The following OPN3 variants were observed in gnomAD, a reference collection of about 807,000 sequenced individuals.
OPN3 encodes opsin 3, also known as opsin-3.
OPN3 carries 29 observed loss-of-function variants against 33.8 expected under a neutral mutation model. The ratio of observed to expected loss-of-function variants is 0.86; its 90% CI spans 0.64 to 1.17. The LOEUF (loss-of-function observed/expected upper bound fraction) is 1.17. OPN3 is among the 50% of genes most tolerant of loss of function. OPN3 has a pLI of 0.00. For missense variants in OPN3, 437 were observed against 514.1 expected (o/e 0.85, Z 1.45); for synonymous variants, 216 against 216.1 (o/e 1.00, Z 0.00).
At chr1:241,618,836 C>CTT (rs33992613) in intron 1 of OPN3, among the ~76,000 whole-genome samples, 20 of 146,094 alleles carry the variant, frequency 1.4e-4, no homozygotes, top group Admixed American at 1.2e-3. Flanking sequence ...CTCATTGTAT[C>CTT]TTTTTTTTTT....
At chr1:241,613,597 T>C (rs962929966) in intron 1 of OPN3, among the ~76,000 whole-genome samples, 2 of 152,190 alleles carry the variant, frequency 1.3e-5, no homozygotes, top group African/African-American at 4.8e-5. Flanking sequence ...TATTCTTAAA[T>C]TGAAGAATTT....
intron 1 of OPN3, among the ~76,000 whole-genome samples, chr1:241,606,241 A>G (rs556336671): frequency 6.6e-6 from 1 of 152,284 alleles, no homozygotes; most frequent in African/African-American, 2.4e-5. Context: ...GAGAGGAGTT[A>G]AAAGTAACTT....
intron 1 of OPN3, chr1:241,631,137 T>A (rs1664618840): frequency 6.6e-6 from 1 of 152,114 alleles, no homozygotes; most frequent in South Asian, 2.1e-4. Flanking sequence ...TATACTGGGT[T>A]ACAATATCCC....
intron 1 of OPN3, among the ~76,000 whole-genome samples, chr1:241,624,220 C>T (rs924914062): frequency 8.2e-6 from 1 of 122,630 alleles, no homozygotes; most frequent in Non-Finnish European, 1.7e-5. Flanking sequence ...ACACTGTGGA[C>T]CCTCTTTCAC....
At chr1:241,628,933 A>G (rs1174075313) in intron 1 of OPN3, 1 of 152,586 alleles carries the variant, frequency 6.6e-6, no homozygotes, top group Non-Finnish European at 1.5e-5. Context: ...AAGAACCCCT[A>G]ATGTTAAACT....
At chr1:241,606,365 G>A (rs909034627) in intron 1 of OPN3, among the ~76,000 whole-genome samples, 9 of 152,014 alleles carry the variant, frequency 5.9e-5, no homozygotes, top group South Asian at 2.1e-4. Context: ...CCAACATGGC[G>A]AAACCCTGTC....
At chr1:241,626,177 G>T (rs1161841401) in intron 1 of OPN3, among the ~76,000 whole-genome samples, 1 of 152,194 alleles carries the variant, frequency 6.6e-6, no homozygotes, top group African/African-American at 2.4e-5. Context: ...TTTTACCAGA[G>T]ATGGGTCCTA....
intron 1 of OPN3, among the ~76,000 whole-genome samples, chr1:241,608,498 A>T (rs1471048746): frequency 6.6e-6 from 1 of 152,188 alleles, no homozygotes; most frequent in Non-Finnish European, 1.5e-5. Flanking sequence ...TGCTATGAAG[A>T]ATAGAGAGTG....
intron 1 of OPN3, chr1:241,630,951 G>C (rs1315662767): frequency 6.6e-6 from 1 of 151,848 alleles, no homozygotes; most frequent in African/African-American, 2.4e-5. Flanking sequence ...TTTGCATTTT[G>C]CATCTGTTGA....
chr1:241,610,420 T>G (rs1217200073), intron 1 of OPN3, among the ~76,000 whole-genome samples: 1 of 152,196 alleles, frequency 6.6e-6, no homozygotes, highest in Non-Finnish European at 1.5e-5. Flanking sequence ...AAGCAACATT[T>G]GAATTGATGA....
At chr1:241,635,282 T>C in intron 1 of OPN3, 1 of 1,614,024 alleles carries the variant, frequency 6.2e-7, no homozygotes, top group Non-Finnish European at 8.5e-7. Context: ...AATCTCTGTA[T>C]CACTTTTCTG....
intron 1 of OPN3, chr1:241,633,981 G>C: frequency 6.2e-7 from 1 of 1,613,966 alleles, no homozygotes; most frequent in Non-Finnish European, 8.5e-7. Context: ...TCCTGGAAAA[G>C]TGTTTCAGCT....
intron 1 of OPN3, chr1:241,634,087 C>T (rs769115175): frequency 9.3e-6 from 15 of 1,611,044 alleles, no homozygotes; most frequent in African/African-American, 4.0e-5. Flanking sequence ...TGCTGATTCC[C>T]GAGGAATCTC....
chr1:241,600,622 A>G (rs1465718128), intron 2 of OPN3: 1 of 152,178 alleles, frequency 6.6e-6, no homozygotes, highest in Non-Finnish European at 1.5e-5. Context: ...GTGTGTAGCT[A>G]TGTCTCCATC....
chr1:241,594,631 T>C lies in OPN3; in HGVS notation c.1006A>G (p.Lys336Glu). ...LRLLRCQRPA[K>E]DLPAAGSEMQ... ...TCACTTCCAGCTGCTGGTAGGTCTT[T>C]AGCAGGCCTCTGGCACCTCAGCAGT... Residue 336 changes from lysine (K) to glutamate (E), a missense_variant, in exon 4 of 4, where the codon AAA becomes GAA. Lys to Glu is a moderately conservative substitution (Grantham distance 56, BLOSUM62 1). Coordinates refer to ENST00000366554, the MANE Select transcript of OPN3 (RefSeq NM_014322.3). 1 of 1,614,132 alleles carries C rather than the reference T, an allele frequency of 6.2e-7. No homozygotes were observed. Among genetic ancestry groups the C allele is most frequent in the Non-Finnish European group, 8.5e-7 (1 of 1,179,980 alleles).
chr1:241,635,842 C>T lies in OPN3; in HGVS notation c.373+4040G>A. On this transcript the variant is annotated intron_variant, in intron 1 of 3. Coordinates refer to ENST00000366554, the MANE Select transcript of OPN3 (RefSeq NM_014322.3). ...GTGATTATGCTGTAATAAAATCTGT[C>T]CTTCTGATGTTCCAGTTATCCCAGA... The T allele has an allele frequency of 2.1e-6, 3 of 1,413,354 alleles. No homozygotes were observed. In the South Asian group the frequency reaches 4.1e-5, roughly 19 times the overall value. 87.6% of individuals were successfully genotyped at this position (1,413,354 alleles called of 1,614,324 possible). A position where few individuals can be genotyped will look rare whatever the true frequency, so the allele number is the denominator to read the frequency against.
chr1:241,616,962 A>C (rs1664149064), intron 1 of OPN3, among the ~76,000 whole-genome samples: 1 of 152,246 alleles, frequency 6.6e-6, no homozygotes, highest in Non-Finnish European at 1.5e-5. Flanking sequence ...GAGTGTTATA[A>C]AGTCAAATGA....
At chr1:241,639,765 G>T in intron 1 of OPN3, 117 bp downstream of exon 1, 1 of 1,065,944 alleles carries the variant, frequency 9.4e-7, no homozygotes, top group Non-Finnish European at 1.3e-6. Context: ...GGCGGGGGGC[G>T]CGGGGCCGAG....
intron 1 of OPN3, among the ~76,000 whole-genome samples, chr1:241,619,165 C>A (rs564307521): frequency 8.5e-5 from 13 of 152,254 alleles, no homozygotes; most frequent in African/African-American, 3.1e-4. Context: ...TTGTTTCATA[C>A]TGGGCTCTAA....
Sources: gnomAD v4.1 joint callset for allele counts (sites outside exome capture counted in the v4.1 genomes callset) on GRCh38, gnomAD v4.1.1 for gene constraint, MANE v1.5 for transcripts, NCBI Gene and HGNC (gene_info 2026-07-23, HGNC 2026-07-21) for gene names.